USP38: variants seen among roughly 807,000 people sequenced by gnomAD.
USP38 encodes the protein ubiquitin carboxyl-terminal hydrolase 38.
A neutral mutation model predicts 94.3 loss-of-function variants in USP38; 49 were observed. That is an observed-to-expected ratio of 0.52 (90% CI 0.41 to 0.66). The LOEUF (loss-of-function observed/expected upper bound fraction) is 0.66. Ranked by LOEUF, USP38 falls within the 30% of genes least tolerant of loss-of-function variation. The pLI, the probability that USP38 is intolerant of heterozygous loss-of-function variation, is 0.00. For synonymous variants in USP38, 468 were observed against 463.6 expected (o/e 1.01, Z -0.12); for missense variants, 1,128 against 1,229.4 (o/e 0.92, Z 1.23).
chr4:143,191,891 A>T (rs917618598), intron 2 of USP38, among the ~76,000 whole-genome samples: 1 of 152,262 alleles, frequency 6.6e-6, no homozygotes, highest in Non-Finnish European at 1.5e-5. Context: ...GGTGGATAAG[A>T]TTCCTATAGT....
chr4:143,213,429 C>T (rs1220863747), intron 8 of USP38, 152 bp from the exon 9 acceptor site: 4 of 873,314 alleles, frequency 4.6e-6, no homozygotes, highest in Non-Finnish European at 6.6e-6. Context: ...ATTCTCAAAA[C>T]TGTTCAATTT....
chr4:143,213,974 C>T lies in USP38; in HGVS notation c.1998C>T (p.Ala666=), dbSNP rs750813420. 45 of 1,613,474 alleles carry T rather than the reference C, an allele frequency of 2.8e-5. No individual in the cohort carries two copies. Among genetic ancestry groups the T allele is most frequent in the Non-Finnish European group, 3.6e-5 (43 of 1,179,814 alleles). The part of the protein sequence containing the change: ...EPVVYNPTTA[A]FICDSLVNEK... ...TAGTTTATAATCCAACAACAGCTGCCTTCATCTGTGACTCACTTGTGAATG... is the reference window on the plus strand; with the variant it reads ...TAGTTTATAATCCAACAACAGCTGCTTTCATCTGTGACTCACTTGTGAATG... The change falls in exon 9 of 10, where the codon GCC becomes GCT. Residue 666 remains alanine, a synonymous_variant. Coordinates refer to ENST00000307017, the MANE Select transcript of USP38 (RefSeq NM_032557.6).
At position 143,187,810 on chromosome 4, in the gene USP38, T is replaced by G; in HGVS notation, c.683-16T>G. ...CTACTTGCCATGTTCCCTTTTCTTT[T>G]TAATTGAAAAAACAGATGCATCATT... On this transcript the variant is annotated splice_polypyrimidine_tract_variant and intron_variant, in intron 1 of 9. Transcript: ENST00000307017. 1.3e-6 allele frequency: 2 copies of G among 1,599,384 alleles called. No homozygotes were observed. Among genetic ancestry groups the G allele is most frequent in the South Asian group, 2.3e-5 (2 of 88,012 alleles).
In USP38 at chr4:143,185,803, C is replaced by T. The variant is rs1731203124; in HGVS notation, c.353C>T (p.Pro118Leu). The change falls in exon 1 of 10, where the codon CCG (proline) becomes CTG (leucine). Residue 118 changes from proline to leucine, a missense_variant. Pro to Leu is a moderately conservative substitution (Grantham distance 98, BLOSUM62 -3). Transcript: ENST00000307017. ...HNGLKLIMSC[P>L]SVLDLFSLLQ... ...GGCCTGAAGCTGATTATGAGCTGTCCGTCGGTGCTGGATCTCTTTAGCCTC... is the reference window on the plus strand; with the variant it reads ...GGCCTGAAGCTGATTATGAGCTGTCTGTCGGTGCTGGATCTCTTTAGCCTC... 2.5e-6 allele frequency: 4 copies of T among 1,614,180 alleles called. No homozygotes were observed. Among genetic ancestry groups the T allele is most frequent in the East Asian group, 2.2e-5 (1 of 44,874 alleles).
At chr4:143,201,355 C>T (rs749710668) in intron 4 of USP38, among the ~76,000 whole-genome samples, 1 of 152,198 alleles carries the variant, frequency 6.6e-6, no homozygotes, top group Non-Finnish European at 1.5e-5. Context: ...GGACCCCTTC[C>T]TTACACCATA....
chr4:143,203,587 A>G, intron 5 of USP38, 21 bp downstream of exon 5: 1 of 1,597,058 alleles, frequency 6.3e-7, no homozygotes, highest in Non-Finnish European at 8.5e-7. Context: ...AGTTGTACCA[A>G]TATTTGTGGA....
chr4:143,210,858 A>G (rs1353434668), intron 7 of USP38, among the ~76,000 whole-genome samples: 2 of 151,962 alleles, frequency 1.3e-5, no homozygotes, highest in African/African-American at 2.4e-5. Flanking sequence ...TTAAATGGAA[A>G]GAATCTAGAC....
chr4:143,195,006 A>G (rs535725803), intron 2 of USP38, among the ~76,000 whole-genome samples: 1 of 150,860 alleles, frequency 6.6e-6, no homozygotes, highest in Admixed American at 6.6e-5. Flanking sequence ...GTGCTTTTTT[A>G]TATATTTGAA....
Position 143,212,871 on chromosome 4 carries a change from T to TA in USP38, c.1604+448dup, listed in dbSNP as rs1561246970. 3.9e-5 allele frequency among the ~76,000 whole-genome samples: 6 copies of TA among 152,140 alleles called. No individual in the cohort carries two copies. The South Asian group carries it at 1.2e-3, about 31-fold the overall frequency. On this transcript the variant is annotated intron_variant, in intron 8 of 9. Coordinates refer to ENST00000307017, the MANE Select transcript of USP38 (RefSeq NM_032557.6). ...CTTACTTTTTTTTGGTTTTAGAAAATACAACTTTTTCATTTTTAAAATGTT... is the reference window on the plus strand; with the variant it reads ...CTTACTTTTTTTTGGTTTTAGAAAATAACAACTTTTTCATTTTTAAAATGTT...
intron 4 of USP38, 43 bp from the exon 5 acceptor site, chr4:143,203,365 A>C: frequency 6.4e-7 from 1 of 1,573,938 alleles, no homozygotes; most frequent in Non-Finnish European, 8.7e-7. Flanking sequence ...ATGTGTTACC[A>C]ATTTGTATAA....
Position 143,209,567 on chromosome 4 carries a change from C to T in USP38, c.1407C>T (p.Phe469=), listed in dbSNP as rs888771870. The T allele has an allele frequency of 1.3e-6, 2 of 1,541,902 alleles. No homozygotes were observed. The highest frequency in any genetic ancestry group is 2.8e-5 in the African/African-American group (2 of 72,686). Residue 469 remains phenylalanine (F), a synonymous_variant, in exon 7 of 10, where the codon TTC becomes TTT. Coordinates refer to ENST00000307017, the MANE Select transcript of USP38 (RefSeq NM_032557.6). ...VIQALFMATD[F]RRQVLSLNLN... is the part of the protein sequence containing the mutation. ...AAATCATTATATTCTCTTTCAGTTTCAGGAGACAAGTATTATCTTTAAATC... is the reference window on the plus strand; with the variant it reads ...AAATCATTATATTCTCTTTCAGTTTTAGGAGACAAGTATTATCTTTAAATC...
rs1157613197 is a variant in USP38, at chr4:143,185,217, A to G, written c.-234A>G. On this transcript the variant is annotated 5_prime_UTR_variant, in exon 1 of 10. Transcript: ENST00000307017. ...GCGGAGTACGGGCCTCTGGCGCCTTAGGCCAGCCGCAGGTGTCGGTTCTTA... is the reference window on the plus strand; with the variant it reads ...GCGGAGTACGGGCCTCTGGCGCCTTGGGCCAGCCGCAGGTGTCGGTTCTTA... 2 of 488,888 alleles carry G rather than the reference A, an allele frequency of 4.1e-6. No individual in the cohort carries two copies. Among genetic ancestry groups the G allele is most frequent in the Non-Finnish European group, 3.6e-6 (1 of 279,860 alleles). The allele number at this position is 488,888 out of a possible 1,614,324, so 30.3% of individuals were successfully genotyped here.
Position 143,214,393 on chromosome 4 carries a change from G to C in USP38, c.2417G>C (p.Ser806Thr). The change falls in exon 9 of 10, where the codon AGT becomes ACT. Residue 806 changes from serine (S) to threonine (T), a missense_variant. By Grantham distance (58) the Ser-to-Thr change is moderately conservative (BLOSUM62 1). Coordinates refer to ENST00000307017, the MANE Select transcript of USP38 (RefSeq NM_032557.6). ...RITSFSSLSE[S>T]WSVDVDFTDL... ...ACTTCTTTCTCTTCATTGTCAGAAA[G>C]TTGGTCTGTAGATGTTGACTTCACT... 1 of 1,613,782 alleles carries C rather than the reference G, an allele frequency of 6.2e-7. No homozygotes were observed. The highest frequency in any genetic ancestry group is 1.1e-5 in the South Asian group (1 of 91,070).
chr4:143,215,005 G>T lies in USP38; in HGVS notation c.2967+62G>T, dbSNP rs756591827. The stretch of plus-strand genomic sequence containing the variant: ...TTAAACAATTGACACAGTTAAATGA[G>T]TACCCTCATTTTGAAATCTAACATG... On this transcript the variant is annotated intron_variant, in intron 9 of 9. Transcript: ENST00000307017. 67 of 1,457,964 alleles carry T rather than the reference G, an allele frequency of 4.6e-5. 1 individual carries two copies. Among genetic ancestry groups the T allele is most frequent in the Admixed American group, 3.3e-4 (15 of 44,800 alleles). The allele number at this position is 1,457,964 out of a possible 1,614,324, so 90.3% of individuals were successfully genotyped here. A position where few individuals can be genotyped will look rare whatever the true frequency, so the allele number is the denominator to read the frequency against.
At chr4:143,196,846 C>T (rs1481327064) in intron 3 of USP38, among the ~76,000 whole-genome samples, 2 of 152,182 alleles carry the variant, frequency 1.3e-5, no homozygotes, top group African/African-American at 4.8e-5. Context: ...GCTACTCTAT[C>T]CTTTCACTTG....
chr4:143,192,550 C>CTTTTTTTTTTTT (rs35416730), intron 2 of USP38, among the ~76,000 whole-genome samples: 1 of 103,410 alleles, frequency 9.7e-6, no homozygotes. Context: ...TCCCATATTA[C>CTTTTTTTTTTTT]TTTTTTTTTT....
In USP38 at chr4:143,186,065, C is replaced by A. The variant is rs563685827; in HGVS notation, c.615C>A (p.Ile205=). The change falls in exon 1 of 10, where the codon ATC becomes ATA. Residue 205 remains isoleucine, a synonymous_variant. Coordinates refer to ENST00000307017, the MANE Select transcript of USP38 (RefSeq NM_032557.6). ...AAGTGAGTAACTTGCTGCAGAACAT[C>A]TGGAAGGCCGAGCCTGCCACACTAC... ...VTKVSNLLQN[I]WKAEPATLLP... is the part of the protein sequence containing the mutation. The A allele has an allele frequency of 6.2e-7, 1 of 1,614,188 alleles. No individual in the cohort carries two copies. Among genetic ancestry groups the A allele is most frequent in the African/African-American group, 1.3e-5 (1 of 75,038 alleles).
chr4:143,212,172 G>T, intron 7 of USP38, 146 bp from the exon 8 acceptor site: 1 of 516,860 alleles, frequency 1.9e-6, no homozygotes, highest in Non-Finnish European at 3.4e-6. Flanking sequence ...AATTTTATCT[G>T]TCCCTAAGTT....
intron 4 of USP38, among the ~76,000 whole-genome samples, chr4:143,201,419 CATAACTTT>C (rs1251556518): frequency 2.0e-5 from 3 of 152,144 alleles, no homozygotes; most frequent in Non-Finnish European, 4.4e-5. Flanking sequence ...GATTCTCTGA[CATAACTTT>C]ATCATTCATT....
Sources: gnomAD v4.1 joint callset for allele counts (sites outside exome capture counted in the v4.1 genomes callset) on GRCh38, gnomAD v4.1.1 for gene constraint, MANE v1.5 for transcripts, NCBI Gene and HGNC (gene_info 2026-07-23, HGNC 2026-07-21) for gene names.